Variants in MAK observed in about 807,000 individuals in gnomAD.
The protein encoded by MAK is serine/threonine-protein kinase MAK.
MAK carries 65 observed loss-of-function variants against 82.6 expected under a neutral mutation model. That is an observed-to-expected ratio of 0.79 (90% CI 0.64 to 0.97). The LOEUF is 0.97. Ranked by LOEUF, MAK falls within the 50% of genes least tolerant of loss-of-function variation. The probability of loss-of-function intolerance (pLI) is 0.00; values close to 1 mark genes in which losing one functional copy is unlikely to be tolerated. For synonymous variants in MAK, 250 were observed against 274.2 expected (o/e 0.91, Z 0.87); for missense variants, 703 against 780.2 (o/e 0.90, Z 1.18).
At chr6:10,816,246 T>C (rs1332883154) in intron 4 of MAK, among the ~76,000 whole-genome samples, 1 of 151,602 alleles carries the variant, frequency 6.6e-6, no homozygotes, top group African/African-American at 2.4e-5. Flanking sequence ...AATTTTTTAA[T>C]TTTTTTGTAG....
At chr6:10,813,183 C>G (rs1315779498) in intron 5 of MAK, among the ~76,000 whole-genome samples, 14 of 88,322 alleles carry the variant, frequency 1.6e-4, no homozygotes, top group African/African-American at 3.0e-4. Flanking sequence ...GAGTCTCACT[C>G]TGTTGCCCAG....
At chr6:10,805,414 CGTCTCTACTAAAAATA>C (rs1434991160) in intron 6 of MAK, among the ~76,000 whole-genome samples, 1 of 151,680 alleles carries the variant, frequency 6.6e-6, no homozygotes, top group African/African-American at 2.4e-5. Flanking sequence ...GGTGAAACCC[CGTCTCTACTAAAAATA>C]CAAAAACTTA....
intron 10 of MAK, among the ~76,000 whole-genome samples, chr6:10,791,285 G>C (rs1775059601): frequency 6.6e-6 from 1 of 150,768 alleles, no homozygotes; most frequent in South Asian, 2.1e-4. Flanking sequence ...TCTTTTTTTT[G>C]AGACAGAGTC....
intron 13 of MAK, among the ~76,000 whole-genome samples, chr6:10,771,191 C>G (rs567217932): frequency 1.3e-5 from 2 of 151,922 alleles, no homozygotes; most frequent in South Asian, 4.2e-4. Flanking sequence ...AGAGGCACTG[C>G]GAATGTGCAG....
At chr6:10,810,105 A>G (rs1018526899) in intron 5 of MAK, among the ~76,000 whole-genome samples, 13 of 137,140 alleles carry the variant, frequency 9.5e-5, no homozygotes, top group Admixed American at 2.9e-4. Context: ...CTCAAAAAAA[A>G]AAAAAAAAAA....
chr6:10,799,226 T>C (rs1775822720), intron 8 of MAK, among the ~76,000 whole-genome samples: 1 of 152,226 alleles, frequency 6.6e-6, no homozygotes, highest in South Asian at 2.1e-4. Flanking sequence ...AGGCTCTTTT[T>C]ATATACTACA....
rs372108170 is a variant in MAK at position 10,814,878 on chromosome 6, A to C, written c.279-1155T>G. Among the ~76,000 whole-genome samples the C allele has an allele frequency of 2.6e-5, 4 of 152,154 alleles. No homozygotes were observed. The South Asian group carries it at 6.2e-4, about 24-fold the overall frequency. On this transcript the variant is annotated intron_variant, in intron 4 of 14. Coordinates refer to ENST00000354489, the MANE Select transcript of MAK (RefSeq NM_001242957.3). ...CATGGTGAAACCTCATCTCTACTAC[A>C]AATACAAAAATTAGCTGGCGTGATG... is the stretch of plus-strand genomic sequence containing the variant.
chr6:10,830,475 T>C (rs544084390), intron 2 of MAK, 73 bp downstream of exon 2: 8 of 1,273,264 alleles, frequency 6.3e-6, no homozygotes, highest in Non-Finnish European at 9.2e-6. Context: ...TGCTGGTATA[T>C]ATTCTTAAGC....
chr6:10,834,677 T>A (rs1299302957), intron 1 of MAK, among the ~76,000 whole-genome samples: 1 of 152,162 alleles, frequency 6.6e-6, no homozygotes, highest in Non-Finnish European at 1.5e-5. Flanking sequence ...TCTGGGTCAT[T>A]CAGACCAGTG....
At chr6:10,787,858 CAA>C (rs56983445) in intron 10 of MAK, among the ~76,000 whole-genome samples, 93,185 of 129,730 alleles carry the variant, frequency 0.72, 32,317 homozygotes, top group East Asian at 0.83. Context: ...GAGACTGTCT[CAA>C]AAAAAAAAAA....
chr6:10,767,514 A>G (rs183528390), intron 14 of MAK, among the ~76,000 whole-genome samples: 2 of 152,250 alleles, frequency 1.3e-5, no homozygotes. Flanking sequence ...CTCAAAACTT[A>G]AAGGGTAGAG....
At chr6:10,796,350 C>T (rs1775561761) in intron 8 of MAK, 41 bp from the exon 9 acceptor site, 3 of 1,512,684 alleles carry the variant, frequency 2.0e-6, no homozygotes, top group Non-Finnish European at 2.7e-6. Flanking sequence ...AAAACAGTTC[C>T]ACCTAAATGT....
intron 1 of MAK, among the ~76,000 whole-genome samples, chr6:10,834,927 A>G (rs1779057064): frequency 1.3e-5 from 2 of 152,312 alleles, no homozygotes; most frequent in African/African-American, 4.8e-5. Context: ...CGGGCAGCAC[A>G]CAGACCCCAG....
chr6:10,770,001 G>A, intron 14 of MAK, 110 bp downstream of exon 14: 1 of 1,597,032 alleles, frequency 6.3e-7, no homozygotes, highest in Admixed American at 1.7e-5. Flanking sequence ...CGTTAATGAG[G>A]TGAGGCTGAC....
In MAK at chr6:10,795,907, T is replaced by A; in HGVS notation, c.1143+91A>T. On this transcript the variant is annotated intron_variant, in intron 9 of 14. Coordinates refer to ENST00000354489, the MANE Select transcript of MAK (RefSeq NM_001242957.3). Reference sequence around the variant, plus strand: ...CTTTAACAAAGAAAAATCTTTTATATCTTTTCCAACATTATTAGAAATGCC... The same window carrying A: ...CTTTAACAAAGAAAAATCTTTTATAACTTTTCCAACATTATTAGAAATGCC... 3 of 1,399,034 alleles carry A rather than the reference T, an allele frequency of 2.1e-6. No homozygotes were observed. In the South Asian group the frequency reaches 3.5e-5, roughly 16 times the overall value. 86.7% of individuals were successfully genotyped at this position (1,399,034 alleles called of 1,614,324 possible).
At chr6:10,824,604 T>C (rs1417494949) in intron 2 of MAK, among the ~76,000 whole-genome samples, 1 of 150,942 alleles carries the variant, frequency 6.6e-6, no homozygotes, top group African/African-American at 2.4e-5. Flanking sequence ...CCCCTCTCCA[T>C]ACAGATGGGT....
chr6:10,797,704 C>A (rs1465138066), intron 8 of MAK: 1 of 1,109,360 alleles, frequency 9.0e-7, no homozygotes, highest in Non-Finnish European at 1.1e-6. Context: ...TTTAGCCAGT[C>A]CCCACATAGG....
chr6:10,811,437 G>A (rs1376874707), intron 5 of MAK, among the ~76,000 whole-genome samples: 1 of 152,260 alleles, frequency 6.6e-6, no homozygotes, highest in Non-Finnish European at 1.5e-5. Flanking sequence ...CAACTCTACA[G>A]TCAACTGTTG....
At chr6:10,832,557 T>C (rs1394271645) in intron 1 of MAK, among the ~76,000 whole-genome samples, 1 of 152,312 alleles carries the variant, frequency 6.6e-6, no homozygotes, top group South Asian at 2.1e-4. Flanking sequence ...AAAAAGACTA[T>C]GACTCACTGA....
Sources: gnomAD v4.1 joint callset for allele counts (sites outside exome capture counted in the v4.1 genomes callset) on GRCh38, gnomAD v4.1.1 for gene constraint, MANE v1.5 for transcripts, NCBI Gene and HGNC (gene_info 2026-07-23, HGNC 2026-07-21) for gene names.